GABRB2: variants seen among roughly 807,000 people sequenced by gnomAD.
The protein encoded by GABRB2 is gamma-aminobutyric acid receptor subunit beta-2.
A neutral mutation model predicts 54.7 loss-of-function variants in GABRB2; 16 were observed. That is an observed-to-expected ratio of 0.29 (90% CI 0.20 to 0.44). The LOEUF is 0.44. GABRB2 is among the 20% of genes least tolerant of loss of function. GABRB2 has a pLI of 1.00. For missense variants in GABRB2, 355 were observed against 644.0 expected (o/e 0.55, Z 4.86); for synonymous variants, 244 against 233.8 (o/e 1.04, Z -0.40).
intron 5 of GABRB2, among the ~76,000 whole-genome samples, chr5:161,361,575 A>G (rs1251635192): frequency 6.6e-6 from 1 of 152,188 alleles, no homozygotes; most frequent in Non-Finnish European, 1.5e-5. Context: ...GATTATAAAA[A>G]ATAAAAAGAA....
intron 3 of GABRB2, among the ~76,000 whole-genome samples, chr5:161,537,491 C>CT (rs749232205): frequency 7.2e-5 from 11 of 152,160 alleles, no homozygotes; most frequent in Non-Finnish European, 1.6e-4. Flanking sequence ...CCTGTCTTCC[C>CT]TACATCAGTA....
intron 3 of GABRB2, among the ~76,000 whole-genome samples, chr5:161,477,393 T>A (rs1758627106): frequency 6.6e-6 from 1 of 151,116 alleles, no homozygotes; most frequent in Non-Finnish European, 1.5e-5. Flanking sequence ...TGGAAAACAG[T>A]ATGGCTGTTC....
At chr5:161,482,337 G>T (rs567827954) in intron 3 of GABRB2, among the ~76,000 whole-genome samples, 1 of 152,170 alleles carries the variant, frequency 6.6e-6, no homozygotes, top group Non-Finnish European at 1.5e-5. Context: ...ATGTAGTAGG[G>T]GTGATTCTTG....
At chr5:161,448,475 C>A (rs1757699913) in intron 4 of GABRB2, among the ~76,000 whole-genome samples, 1 of 152,032 alleles carries the variant, frequency 6.6e-6, no homozygotes, top group Non-Finnish European at 1.5e-5. Flanking sequence ...TCTCTGGTGG[C>A]CTTCAGAGTC....
At chr5:161,374,177 C>T (rs1755216964) in intron 5 of GABRB2, among the ~76,000 whole-genome samples, 1 of 152,098 alleles carries the variant, frequency 6.6e-6, no homozygotes, top group Admixed American at 6.6e-5. Context: ...CTCCTGATCT[C>T]AGATGATCCG....
intron 3 of GABRB2, among the ~76,000 whole-genome samples, chr5:161,528,645 T>C (rs1353870075): frequency 2.0e-5 from 3 of 151,834 alleles, no homozygotes; most frequent in African/African-American, 4.8e-5. Context: ...ATAACATCTT[T>C]TAACCTAAGG....
At chr5:161,353,256 C>A (rs552072105) in intron 5 of GABRB2, among the ~76,000 whole-genome samples, 1 of 151,964 alleles carries the variant, frequency 6.6e-6, no homozygotes, top group African/African-American at 2.4e-5. Context: ...TGGAATTGGG[C>A]AGATCACTTA....
At chr5:161,369,042 G>A (rs1755053811) in intron 5 of GABRB2, among the ~76,000 whole-genome samples, 1 of 152,182 alleles carries the variant, frequency 6.6e-6, no homozygotes, top group Non-Finnish European at 1.5e-5. Context: ...AATTATACAT[G>A]TTGACAACTA....
chr5:161,348,401 A>G (rs1000871200), intron 5 of GABRB2, among the ~76,000 whole-genome samples: 1 of 152,144 alleles, frequency 6.6e-6, no homozygotes, highest in Non-Finnish European at 1.5e-5. Context: ...AATGATTAAC[A>G]GAAGATAGTT....
chr5:161,501,242 C>G (rs1209599488), intron 3 of GABRB2, among the ~76,000 whole-genome samples: 1 of 151,934 alleles, frequency 6.6e-6, no homozygotes, highest in Non-Finnish European at 1.5e-5. Flanking sequence ...GATTTGCCTT[C>G]TAAAAGAAGT....
chr5:161,383,769 A>T (rs1755541036), intron 5 of GABRB2, among the ~76,000 whole-genome samples: 1 of 152,240 alleles, frequency 6.6e-6, no homozygotes, highest in African/African-American at 2.4e-5. Context: ...AGGCAATATC[A>T]TGTCATCTAA....
At chr5:161,466,136 A>T (rs1416970180) in intron 3 of GABRB2, among the ~76,000 whole-genome samples, 1 of 151,976 alleles carries the variant, frequency 6.6e-6, no homozygotes, top group East Asian at 1.9e-4. Flanking sequence ...GTGTGTGCTT[A>T]TGATTAGATT....
intron 5 of GABRB2, among the ~76,000 whole-genome samples, chr5:161,345,467 A>C (rs1052376673): frequency 6.6e-6 from 1 of 151,972 alleles, no homozygotes; most frequent in Non-Finnish European, 1.5e-5. Flanking sequence ...CTCATTTTCT[A>C]TTATTCTTAT....
intron 4 of GABRB2, among the ~76,000 whole-genome samples, chr5:161,453,325 T>C (rs905664296): frequency 1.3e-5 from 2 of 152,196 alleles, no homozygotes; most frequent in African/African-American, 4.8e-5. Flanking sequence ...AGAGTGAAGG[T>C]GAGTGGTATC....
intron 9 of GABRB2, among the ~76,000 whole-genome samples, chr5:161,308,901 T>C (rs747919292): frequency 3.3e-5 from 5 of 152,002 alleles, no homozygotes; most frequent in Non-Finnish European, 5.9e-5. Flanking sequence ...CCTAAAATGA[T>C]AAAAACCCAG....
intron 4 of GABRB2, among the ~76,000 whole-genome samples, chr5:161,445,124 G>C (rs185300227): frequency 2.2e-4 from 33 of 152,086 alleles, no homozygotes; most frequent in African/African-American, 7.5e-4. Flanking sequence ...AAGATGCTGG[G>C]GTATAAACAG....
At position 161,289,305 on chromosome 5, in the gene GABRB2, T is replaced by C. The variant is rs139385201; in HGVS notation, c.*4776A>G. On this transcript the variant is annotated 3_prime_UTR_variant, in exon 10 of 10. Coordinates refer to ENST00000393959, the MANE Select transcript of GABRB2 (RefSeq NM_001371727.1). ...TAGCATTCTGTTCACTCCTTTCTGG[T>C]TTTTACAATGTTCCTAGTGCATTTG... 2.7e-3 allele frequency: 401 copies of C among 146,116 alleles called. 3 individuals carry two copies. Among genetic ancestry groups the C allele is most frequent in the African/African-American group, 9.9e-3 (386 of 39,052 alleles). 9.1% of individuals were successfully genotyped at this position (146,116 alleles called of 1,614,324 possible).
intron 4 of GABRB2, among the ~76,000 whole-genome samples, chr5:161,446,881 A>C (rs35630304): frequency 3.3e-5 from 5 of 151,974 alleles, no homozygotes; most frequent in Admixed American, 6.6e-5. Flanking sequence ...TGAGTCACAG[A>C]GACTGGATGT....
At chr5:161,494,076 C>T (rs1759157391) in intron 3 of GABRB2, among the ~76,000 whole-genome samples, 1 of 151,686 alleles carries the variant, frequency 6.6e-6, no homozygotes, top group African/African-American at 2.4e-5. Flanking sequence ...TAATATGGTA[C>T]ATCTTTCTCA....
Sources: allele counts gnomAD v4.1 joint callset (sites outside exome capture counted in the v4.1 genomes callset), GRCh38; gene constraint gnomAD v4.1.1; transcripts MANE v1.5; gene names NCBI Gene and HGNC (gene_info 2026-07-23, HGNC 2026-07-21).